PDCD10: variants seen among roughly 807,000 people sequenced by gnomAD.
PDCD10 encodes programmed cell death protein 10.
Under a neutral mutation model 29.2 loss-of-function variants are expected in PDCD10, and 4 were observed. The observed-to-expected ratio is 0.14, with a 90% CI of 0.07 to 0.31. PDCD10 has a LOEUF of 0.31. Ranked by LOEUF, PDCD10 falls within the 10% of genes least tolerant of loss-of-function variation. PDCD10 has a pLI of 1.00. For synonymous variants in PDCD10, 70 were observed against 82.2 expected (o/e 0.85, Z 0.80); for missense variants, 183 against 257.9 (o/e 0.71, Z 1.99).
In PDCD10 at chr3:167,708,922, CAG is replaced by C. The variant is rs1290863708; in HGVS notation, c.97-4029_97-4028del. On this transcript the variant is annotated intron_variant, in intron 3 of 8. Transcript: ENST00000392750. ...ACAATACATCAACTTACTTATTTCA[CAG>C]AGTTGTTGAGATAGTGAAGTACACC... Among the ~76,000 whole-genome samples the C allele has an allele frequency of 5.3e-5, 8 of 152,212 alleles. No individual in the cohort carries two copies. In the East Asian group the frequency reaches 1.5e-3, roughly 29 times the overall value.
intron 3 of PDCD10, among the ~76,000 whole-genome samples, chr3:167,717,460 C>G (rs1486850684): frequency 6.6e-6 from 1 of 152,032 alleles, no homozygotes; most frequent in African/African-American, 2.4e-5. Flanking sequence ...TTGACAACCA[C>G]TTTCACCTTT....
At chr3:167,691,526 G>A (rs999613177) in intron 6 of PDCD10, among the ~76,000 whole-genome samples, 1 of 152,136 alleles carries the variant, frequency 6.6e-6, no homozygotes, top group African/African-American at 2.4e-5. Flanking sequence ...TAATAATGTG[G>A]TTTTCAAACC....
chr3:167,725,945 T>C (rs1724112799), intron 2 of PDCD10, among the ~76,000 whole-genome samples: 3 of 150,676 alleles, frequency 2.0e-5, no homozygotes, highest in South Asian at 4.2e-4. Context: ...GAACAAGTCA[T>C]TTCACCTCTC....
intron 4 of PDCD10, among the ~76,000 whole-genome samples, chr3:167,703,695 G>C (rs1381520456): frequency 3.3e-5 from 5 of 151,980 alleles, no homozygotes; most frequent in Admixed American, 3.3e-4. Context: ...CCAGATAAAA[G>C]TTTTATATTA....
chr3:167,709,591 T>C (rs1274882077), intron 3 of PDCD10, among the ~76,000 whole-genome samples: 2 of 152,094 alleles, frequency 1.3e-5, no homozygotes, highest in Non-Finnish European at 2.9e-5. Flanking sequence ...GGTTGGAAAT[T>C]GAGTAAGCCT....
chr3:167,733,329 A>G (rs9861088), intron 2 of PDCD10, among the ~76,000 whole-genome samples: 41,906 of 152,128 alleles, frequency 0.28, 6,420 homozygotes, highest in African/African-American at 0.41. Flanking sequence ...AACTTATCCA[A>G]TAATAATAGT....
intron 4 of PDCD10, among the ~76,000 whole-genome samples, chr3:167,699,885 TTA>T (rs1559956417): frequency 6.6e-6 from 1 of 152,064 alleles, no homozygotes; most frequent in African/African-American, 2.4e-5. Context: ...TTGAAAAAAC[TTA>T]TAGACAAACT....
intron 3 of PDCD10, among the ~76,000 whole-genome samples, chr3:167,715,050 C>G (rs1722877522): frequency 6.6e-6 from 1 of 151,452 alleles, no homozygotes; most frequent in Non-Finnish European, 1.5e-5. Context: ...GCCAAAATGC[C>G]ATCTACTGGC....
At chr3:167,711,672 T>C (rs542773912) in intron 3 of PDCD10, among the ~76,000 whole-genome samples, 58 of 152,248 alleles carry the variant, frequency 3.8e-4, no homozygotes, top group African/African-American at 1.4e-3. Context: ...AAGAAGGTTA[T>C]AGAACACCAA....
At chr3:167,692,105 C>T (rs1245958631) in intron 6 of PDCD10, among the ~76,000 whole-genome samples, 2 of 152,082 alleles carry the variant, frequency 1.3e-5, no homozygotes, top group Admixed American at 6.5e-5. Flanking sequence ...TCAACAAGTA[C>T]ACGATTATCA....
At chr3:167,701,117 A>G (rs1457779559) in intron 4 of PDCD10, among the ~76,000 whole-genome samples, 5 of 152,136 alleles carry the variant, frequency 3.3e-5, no homozygotes, top group Non-Finnish European at 5.9e-5. Context: ...GTGGTTGTAC[A>G]AGAAGACCTA....
intron 3 of PDCD10, among the ~76,000 whole-genome samples, chr3:167,713,855 G>T (rs1216009751): frequency 6.6e-6 from 1 of 151,820 alleles, no homozygotes; most frequent in Non-Finnish European, 1.5e-5. Flanking sequence ...GAATCAGGAA[G>T]AAATCCATAA....
At chr3:167,711,378 C>G (rs1722506025) in intron 3 of PDCD10, among the ~76,000 whole-genome samples, 3 of 152,136 alleles carry the variant, frequency 2.0e-5, no homozygotes, top group Admixed American at 2.0e-4. Context: ...AAAAATGCAA[C>G]TGGCATACTG....
intron 2 of PDCD10, among the ~76,000 whole-genome samples, chr3:167,730,441 C>T (rs1246726610): frequency 6.6e-6 from 1 of 152,074 alleles, no homozygotes; most frequent in Admixed American, 6.6e-5. Context: ...CAGTTTTATC[C>T]TCCACATACT....
intron 2 of PDCD10, among the ~76,000 whole-genome samples, chr3:167,732,265 C>T (rs1207628447): frequency 1.3e-5 from 2 of 152,162 alleles, no homozygotes; most frequent in Non-Finnish European, 2.9e-5. Context: ...TAAATATTAT[C>T]TTACCTACTC....
chr3:167,686,443 C>A (rs1456527146), intron 8 of PDCD10, among the ~76,000 whole-genome samples: 3 of 152,162 alleles, frequency 2.0e-5, no homozygotes, highest in Non-Finnish European at 4.4e-5. Flanking sequence ...AATATCTAAA[C>A]CCTGACTCCA....
intron 2 of PDCD10, among the ~76,000 whole-genome samples, chr3:167,724,282 T>C (rs770634956): frequency 2.0e-5 from 3 of 152,186 alleles, no homozygotes; most frequent in Non-Finnish European, 4.4e-5. Context: ...ACTTAAAACG[T>C]TTGTAGGCAG....
chr3:167,709,862 A>C (rs1559964634), intron 3 of PDCD10, among the ~76,000 whole-genome samples: 1 of 152,178 alleles, frequency 6.6e-6, no homozygotes, highest in Non-Finnish European at 1.5e-5. Context: ...AGTAAAGGCA[A>C]CAGGAGTGTG....
intron 3 of PDCD10, among the ~76,000 whole-genome samples, chr3:167,714,129 T>C (rs1553764879): frequency 6.6e-6 from 1 of 151,282 alleles, no homozygotes; most frequent in Non-Finnish European, 1.5e-5. Context: ...CTCTGATAAA[T>C]AAATCCTCAA....
Sources: gnomAD v4.1 joint callset for allele counts (sites outside exome capture counted in the v4.1 genomes callset) on GRCh38, gnomAD v4.1.1 for gene constraint, MANE v1.5 for transcripts, NCBI Gene and HGNC (gene_info 2026-07-23, HGNC 2026-07-21) for gene names.